SOX5: variants seen among roughly 807,000 people sequenced by gnomAD.
The protein encoded by SOX5 is transcription factor SOX-5.
In SOX5, 9 loss-of-function variants were observed where a neutral mutation model predicts 92.0. That is an observed-to-expected ratio of 0.10 (90% CI 0.06 to 0.17). SOX5 has a LOEUF of 0.17. Ranked by LOEUF, SOX5 falls within the 10% of genes least tolerant of loss-of-function variation. The pLI is 1.00. For missense variants in SOX5, 642 were observed against 944.5 expected (o/e 0.68, Z 4.20); for synonymous variants, 344 against 336.3 (o/e 1.02, Z -0.25).
intron 10 of SOX5, among the ~76,000 whole-genome samples, chr12:23,564,873 T>A (rs1172419662): frequency 6.6e-6 from 1 of 152,234 alleles, no homozygotes; most frequent in Non-Finnish European, 1.5e-5. Flanking sequence ...AATATGTTCT[T>A]GCTGCTTAAA....
rs149205919 is a variant in SOX5 at position 24,381,134 on chromosome 12, A to G, written c.-250-12495T>C. Among the ~76,000 whole-genome samples, 842 of 152,336 alleles carry G rather than the reference A, an allele frequency of 5.5e-3. 4 individuals carry two copies. The highest frequency in any genetic ancestry group is 6.8e-3 in the Non-Finnish European group (461 of 68,032). On this transcript the variant is annotated intron_variant, in intron 1 of 4. Transcript: ENST00000446891. ...AAGTACGTAAAAGCACAGCCTGGCC[A>G]TGACAAATGCCCAAAACGCCAGACA...
At chr12:24,133,510 G>C (rs1361425430) in intron 4 of SOX5, among the ~76,000 whole-genome samples, 1 of 152,148 alleles carries the variant, frequency 6.6e-6, no homozygotes, top group Non-Finnish European at 1.5e-5. Context: ...TAGTTAATTA[G>C]TCCAGGGATG....
At chr12:24,017,892 G>T (rs1439679425) in intron 4 of SOX5, among the ~76,000 whole-genome samples, 1 of 152,038 alleles carries the variant, frequency 6.6e-6, no homozygotes, top group Non-Finnish European at 1.5e-5. Context: ...AAACATCTCT[G>T]CAGGAAAGAT....
At chr12:24,110,096 C>T (rs1416107683) in intron 4 of SOX5, among the ~76,000 whole-genome samples, 2 of 152,302 alleles carry the variant, frequency 1.3e-5, no homozygotes, top group East Asian at 3.9e-4. Flanking sequence ...CATCCCTTTG[C>T]CTATAAGAGG....
At chr12:24,379,916 T>C (rs1347349352) in intron 1 of SOX5, among the ~76,000 whole-genome samples, 1 of 151,554 alleles carries the variant, frequency 6.6e-6, no homozygotes, top group African/African-American at 2.4e-5. Context: ...TATTCTTCCT[T>C]TTTCAAATAC....
chr12:24,515,179 T>C (rs1319297052), intron 1 of SOX5, among the ~76,000 whole-genome samples: 3 of 152,224 alleles, frequency 2.0e-5, no homozygotes, highest in Admixed American at 1.3e-4. Flanking sequence ...AAAGTGTGGG[T>C]TCTGATTTCA....
chr12:23,790,967 G>A (rs1028614036), intron 3 of SOX5, among the ~76,000 whole-genome samples: 1 of 152,086 alleles, frequency 6.6e-6, no homozygotes, highest in Non-Finnish European at 1.5e-5. Context: ...TTTCAACTTG[G>A]GAAAACCCTA....
intron 7 of SOX5, among the ~76,000 whole-genome samples, chr12:23,650,777 C>A (rs542579933): frequency 6.6e-6 from 1 of 152,050 alleles, no homozygotes; most frequent in Non-Finnish European, 1.5e-5. Context: ...TCTTGAAGAG[C>A]CTTATGTTTT....
At chr12:24,132,896 C>G (rs1329073940) in intron 4 of SOX5, among the ~76,000 whole-genome samples, 1 of 152,104 alleles carries the variant, frequency 6.6e-6, no homozygotes, top group Admixed American at 6.5e-5. Flanking sequence ...CCTCATTTCC[C>G]TGGACAACAA....
Position 23,835,436 on chromosome 12 carries a change from A to G in SOX5, c.481+10547T>C, listed in dbSNP as rs1594888388. ...TCTACAGTGAGAATGGAGTCCTAAAATGTATCTATGTTTCACCCAAATATT... is the reference window on the plus strand; with the variant it reads ...TCTACAGTGAGAATGGAGTCCTAAAGTGTATCTATGTTTCACCCAAATATT... On this transcript the variant is annotated intron_variant, in intron 3 of 14. Transcript: ENST00000451604. Among the ~76,000 whole-genome samples, 4 of 151,856 alleles carry G rather than the reference A, an allele frequency of 2.6e-5. No homozygotes were observed. In the Admixed American group the frequency reaches 2.6e-4, roughly 10 times the overall value.
At chr12:23,931,061 T>G (rs1182626580) in intron 1 of SOX5, among the ~76,000 whole-genome samples, 11 of 151,796 alleles carry the variant, frequency 7.2e-5, no homozygotes, top group Non-Finnish European at 4.4e-5. Flanking sequence ...TATTCATTTT[T>G]AAATCTCTAG....
chr12:23,788,774 T>A (rs2095422989), intron 3 of SOX5, among the ~76,000 whole-genome samples: 1 of 151,928 alleles, frequency 6.6e-6, no homozygotes, highest in Non-Finnish European at 1.5e-5. Flanking sequence ...AATAAGTAAT[T>A]TCATATTAAT....
chr12:23,930,123 C>A (rs774519245), intron 1 of SOX5, among the ~76,000 whole-genome samples: 1 of 151,774 alleles, frequency 6.6e-6, no homozygotes, highest in Non-Finnish European at 1.5e-5. Flanking sequence ...AATGTAACTG[C>A]GTTACTGAGT....
At position 23,896,344 on chromosome 12, in the gene SOX5, C is replaced by T. The variant is rs566371278; in HGVS notation, c.39-320G>A. Among the ~76,000 whole-genome samples, 13 of 152,252 alleles carry T rather than the reference C, an allele frequency of 8.5e-5. No homozygotes were observed. The South Asian group carries it at 2.7e-3, about 32-fold the overall frequency. On this transcript the variant is annotated intron_variant, in intron 1 of 14. Transcript: ENST00000451604. ...TTTTAGAGGGAAGAAAAATACCCAT[C>T]TAGTTTTACACTCTGATAGACCTTA...
At chr12:24,486,338 T>C (rs1054905529) in intron 1 of SOX5, among the ~76,000 whole-genome samples, 2 of 152,202 alleles carry the variant, frequency 1.3e-5, no homozygotes, top group African/African-American at 4.8e-5. Context: ...GTTTCTTCTC[T>C]ACCATCCCAC....
At chr12:23,689,700 C>A (rs2127307) in intron 6 of SOX5, among the ~76,000 whole-genome samples, 31,844 of 151,326 alleles carry the variant, frequency 0.21, 3,781 homozygotes, top group African/African-American at 0.33. Flanking sequence ...TGTCATGATA[C>A]GAAGATGAGG....
At chr12:23,802,916 T>A (rs1352396118) in intron 3 of SOX5, among the ~76,000 whole-genome samples, 1 of 152,154 alleles carries the variant, frequency 6.6e-6, no homozygotes, top group Non-Finnish European at 1.5e-5. Flanking sequence ...TACAGAATAT[T>A]AAATTGTTAA....
chr12:23,577,146 T>TACAC lies in SOX5; in HGVS notation c.1165-1309_1165-1308insGTGT, dbSNP rs1486311366. 4.4e-5 allele frequency among the ~76,000 whole-genome samples: 5 copies of TACAC among 113,232 alleles called. No homozygotes were observed. The East Asian group carries it at 7.4e-4, about 17-fold the overall frequency. 74.3% of individuals were successfully genotyped at this position (113,232 alleles called of 152,430 possible). On this transcript the variant is annotated intron_variant, in intron 9 of 14. Coordinates refer to ENST00000451604, the MANE Select transcript of SOX5 (RefSeq NM_006940.6). ...GACATCGATATCAAGTTTATATATA[T>TACAC]ATATACACACACACACACACACACA...
At chr12:23,840,119 T>G (rs1421852335) in intron 3 of SOX5, among the ~76,000 whole-genome samples, 3 of 151,928 alleles carry the variant, frequency 2.0e-5, no homozygotes, top group Non-Finnish European at 1.5e-5. Context: ...GAGCTAATAG[T>G]GAGTCCTGAA....
Sources: gnomAD v4.1 joint callset for allele counts (sites outside exome capture counted in the v4.1 genomes callset) on GRCh38, gnomAD v4.1.1 for gene constraint, MANE v1.5 for transcripts, NCBI Gene and HGNC (gene_info 2026-07-23, HGNC 2026-07-21) for gene names.